COL5A1: variants seen among roughly 807,000 people sequenced by gnomAD.
COL5A1 encodes the protein collagen alpha-1(V) chain.
Under a neutral mutation model 263.7 loss-of-function variants are expected in COL5A1, and 16 were observed. The ratio of observed to expected loss-of-function variants is 0.06; its 90% CI spans 0.04 to 0.09. The LOEUF is 0.09. COL5A1 is among the 10% of genes least tolerant of loss of function. The probability of loss-of-function intolerance (pLI) is 1.00; values close to 1 mark genes in which losing one functional copy is unlikely to be tolerated. For missense variants in COL5A1, 2,036 were observed against 2,540.5 expected (o/e 0.80, Z 4.27); for synonymous variants, 1,012 against 1,004.5 (o/e 1.01, Z -0.14).
intron 4 of COL5A1, among the ~76,000 whole-genome samples, chr9:134,707,624 C>T (rs1046251161): frequency 6.6e-6 from 1 of 152,202 alleles, no homozygotes; most frequent in African/African-American, 2.4e-5. Flanking sequence ...GTTAGGGCCT[C>T]GAAGGGGAGA....
intron 16 of COL5A1, among the ~76,000 whole-genome samples, chr9:134,756,115 C>T (rs1835963587): frequency 6.6e-6 from 1 of 152,158 alleles, no homozygotes; most frequent in South Asian, 2.1e-4. Flanking sequence ...GGGGCCTGCA[C>T]AGTGGGCCCC....
At position 134,789,254 on chromosome 9, in the gene COL5A1, C is replaced by G; in HGVS notation, c.2700+46C>G. 6.6e-7 allele frequency: 1 copy of G among 1,526,652 alleles called. No homozygotes were observed. The highest frequency in any genetic ancestry group is 9.1e-7 in the Non-Finnish European group (1 of 1,104,204). The allele number at this position is 1,526,652 out of a possible 1,614,324, so 94.6% of individuals were successfully genotyped here. A position where few individuals can be genotyped will look rare whatever the true frequency, so the allele number is the denominator to read the frequency against. On this transcript the variant is annotated intron_variant, in intron 32 of 65. Transcript: ENST00000371817. This position sits in a 1 kb window ranked among gnomAD's most constrained non-coding sequence, Gnocchi z 4.8. ...GGGCAGGCAGCTTGTTCGGCTGCCT[C>G]GGTGCCTAGCAAGTTGGTTCTCCAG...
At chr9:134,734,391 G>A (rs1355043261) in intron 9 of COL5A1, among the ~76,000 whole-genome samples, 1 of 152,240 alleles carries the variant, frequency 6.6e-6, no homozygotes, top group Non-Finnish European at 1.5e-5. Context: ...TGCTCCAAGT[G>A]TCCTGGGGCC....
In COL5A1 at chr9:134,754,418, G is replaced by GGGCC; in HGVS notation, c.1827+93_1827+96dup. ...GTGCGGGCACCCCCAACAGCCAGCT[G>GGGCC]GGCCACATGAAGCCAGGTGGCTCCC... On this transcript the variant is annotated intron_variant, in intron 16 of 65. Transcript: ENST00000371817. This position sits in a 1 kb window ranked among gnomAD's most constrained non-coding sequence, Gnocchi z 4.3. 1 of 1,451,722 alleles carries GGGCC rather than the reference G, an allele frequency of 6.9e-7. No individual in the cohort carries two copies. 89.9% of individuals were successfully genotyped at this position (1,451,722 alleles called of 1,614,324 possible).
chr9:134,792,895 GCGTGTGTGCACGCGCGTGTGTGTGCGCA>G (rs1476984020), intron 32 of COL5A1, among the ~76,000 whole-genome samples: 7,172 of 43,566 alleles, frequency 0.16, 244 homozygotes, highest in African/African-American at 0.27. Flanking sequence ...GTGTGTGCGC[GCGTGTGTGCACGCGCGTGTGTGTGCGCA>G]TGTGTATGTG....
In COL5A1 at chr9:134,758,327, GA is replaced by G; in HGVS notation, c.1935+32del. On this transcript the variant is annotated intron_variant, in intron 18 of 65. Transcript: ENST00000371817. The surrounding 1 kb of genome is among the most constrained non-coding windows in gnomAD (Gnocchi z 4.1). Reference sequence around the variant, plus strand: ...TATTTCCTCTGTGAGACACAGGCATGACGATGGGCAGCAGAGGTGTCTCTCG... The same window carrying G: ...TATTTCCTCTGTGAGACACAGGCATGCGATGGGCAGCAGAGGTGTCTCTCG... 5 of 1,610,124 alleles carry G rather than the reference GA, an allele frequency of 3.1e-6. No homozygotes were observed. Among genetic ancestry groups the G allele is most frequent in the Non-Finnish European group, 4.3e-6 (5 of 1,176,460 alleles).
At chr9:134,670,316 A>G (rs948648945) in intron 1 of COL5A1, among the ~76,000 whole-genome samples, 21 of 152,206 alleles carry the variant, frequency 1.4e-4, no homozygotes, top group African/African-American at 5.1e-4. Context: ...ACTGCATCCA[A>G]GCATAGGGAC....
chr9:134,817,205 G>A (rs1041875270), intron 53 of COL5A1, 126 bp downstream of exon 53: 13 of 827,228 alleles, frequency 1.6e-5, no homozygotes, highest in African/African-American at 8.4e-5. Context: ...GCTCGGGTGT[G>A]GCATGTTCTC....
chr9:134,780,670 G>A (rs1439413905), intron 28 of COL5A1, among the ~76,000 whole-genome samples: 1 of 152,258 alleles, frequency 6.6e-6, no homozygotes, highest in Non-Finnish European at 1.5e-5. Flanking sequence ...GCAGATCACT[G>A]TGGTGAAGAC....
chr9:134,828,754 C>T (rs550420409), intron 63 of COL5A1, among the ~76,000 whole-genome samples: 2,016 of 99,090 alleles, frequency 0.02, 41 homozygotes, highest in African/African-American at 0.065. Context: ...ACACCACGCA[C>T]ATGATACATA....
chr9:134,664,534 G>T (rs1463266585), intron 1 of COL5A1, among the ~76,000 whole-genome samples: 1 of 152,196 alleles, frequency 6.6e-6, no homozygotes, highest in Non-Finnish European at 1.5e-5. Context: ...CGACACACAT[G>T]GCAAGTTCTC....
At chr9:134,750,698 A>C in intron 12 of COL5A1, 82 bp downstream of exon 12, 1 of 1,594,778 alleles carries the variant, frequency 6.3e-7, no homozygotes, top group East Asian at 2.2e-5. Context: ...CTGCGCTGTC[A>C]CTGGAGAGGC....
chr9:134,644,155 C>T (rs931930362), intron 1 of COL5A1, among the ~76,000 whole-genome samples: 5 of 151,202 alleles, frequency 3.3e-5, no homozygotes, highest in Non-Finnish European at 5.9e-5. Flanking sequence ...AGTCATCCTT[C>T]GAGCATGGCC....
intron 65 of COL5A1, among the ~76,000 whole-genome samples, chr9:134,840,154 CCT>C (rs1839977434): frequency 6.6e-6 from 1 of 152,248 alleles, no homozygotes; most frequent in African/African-American, 2.4e-5. Flanking sequence ...ACGGAGTCAG[CCT>C]CTCTGGGCAG....
At position 134,825,915 on chromosome 9, in the gene COL5A1, G is replaced by A. The variant is rs1173246363; in HGVS notation, c.5067+11G>A. The A allele has an allele frequency of 1.3e-6, 2 of 1,591,150 alleles. No individual in the cohort carries two copies. The highest frequency in any genetic ancestry group is 2.2e-5 in the South Asian group (2 of 90,472). Reference sequence around the variant, plus strand: ...AAGAAGTCCGAAGGGGTGAGTAGCTGTGTCCCTCCATGGCCCCAGCGGGGC... The same window carrying A: ...AAGAAGTCCGAAGGGGTGAGTAGCTATGTCCCTCCATGGCCCCAGCGGGGC... On this transcript the variant is annotated intron_variant, in intron 63 of 65. Transcript: ENST00000371817.
At chr9:134,777,841 C>T (rs767407295) in intron 27 of COL5A1, among the ~76,000 whole-genome samples, 11 of 152,222 alleles carry the variant, frequency 7.2e-5, no homozygotes, top group Non-Finnish European at 1.0e-4. Context: ...TCCCCCAGGA[C>T]TCAGGGCAGG....
intron 28 of COL5A1, among the ~76,000 whole-genome samples, chr9:134,780,834 A>G (rs1263594885): frequency 6.6e-6 from 1 of 152,158 alleles, no homozygotes; most frequent in Non-Finnish European, 1.5e-5. Flanking sequence ...TCCAAGGCCC[A>G]GTTATGACAC....
In COL5A1 at chr9:134,786,974, C is replaced by T. The variant is rs557903737; in HGVS notation, c.2646+926C>T. On this transcript the variant is annotated intron_variant, in intron 31 of 65. Coordinates refer to ENST00000371817, the MANE Select transcript of COL5A1 (RefSeq NM_000093.5). ...TCCTGTCCGTCCTTCCTGTGGAATG[C>T]GAAGCCCCCTGCTCCGTGTGTGTGG... 5.3e-5 allele frequency among the ~76,000 whole-genome samples: 8 copies of T among 152,294 alleles called. 1 individual carries two copies. The South Asian group carries it at 6.2e-4, about 12-fold the overall frequency.
At chr9:134,795,410 A>G in intron 34 of COL5A1, 95 bp downstream of exon 34, 1 of 944,188 alleles carries the variant, frequency 1.1e-6, no homozygotes, top group Admixed American at 2.8e-5. Flanking sequence ...GACCTTTTTT[A>G]TTAAAAAAAA....
Sources: allele counts gnomAD v4.1 joint callset (sites outside exome capture counted in the v4.1 genomes callset), GRCh38; gene constraint gnomAD v4.1.1; non-coding constraint Gnocchi (gnomAD v3.1); transcripts MANE v1.5; gene names NCBI Gene and HGNC (gene_info 2026-07-23, HGNC 2026-07-21).